LCLAT1: variants seen among roughly 807,000 people sequenced by gnomAD.
The protein encoded by LCLAT1 is 1-AGP acyltransferase 8.
LCLAT1 carries 11 observed loss-of-function variants against 30.7 expected under a neutral mutation model. The ratio of observed to expected loss-of-function variants is 0.36; its 90% confidence interval spans 0.23 to 0.59. The LOEUF (loss-of-function observed/expected upper bound fraction) is 0.59, where lower values mean the gene tolerates loss of function less well. Among genes scored for constraint, LCLAT1 ranks in the 20% least tolerant of loss-of-function variants. LCLAT1 has a pLI of 0.77. For missense variants in LCLAT1, 402 were observed against 458.6 expected (o/e 0.88, Z 1.13); for synonymous variants, 155 against 151.3 (o/e 1.02, Z -0.18).
chr2:30,552,006 T>A lies in LCLAT1; in HGVS notation c.365-10140T>A, dbSNP rs114125845. Among the ~76,000 whole-genome samples, 1,009 of 152,298 alleles carry A rather than the reference T, an allele frequency of 6.6e-3. 10 individuals carry two copies. Among genetic ancestry groups the A allele is most frequent in the African/African-American group, 0.023 (959 of 41,566 alleles). ...CCCTTTGCTGTATAACACAGTGCCT[T>A]CACAGTTCCAGGAATTAAGATGTGG... On this transcript the variant is annotated intron_variant, in intron 3 of 5. Transcript: ENST00000379509.
At chr2:30,506,964 T>C (rs938914369) in intron 1 of LCLAT1, among the ~76,000 whole-genome samples, 17 of 152,206 alleles carry the variant, frequency 1.1e-4, no homozygotes, top group African/African-American at 3.4e-4. Flanking sequence ...AATGAACATA[T>C]TTCAATTCCT....
intron 1 of LCLAT1, among the ~76,000 whole-genome samples, chr2:30,471,811 T>C (rs373283331): frequency 6.6e-6 from 1 of 152,228 alleles, no homozygotes; most frequent in Admixed American, 6.5e-5. Flanking sequence ...CATAGGATCA[T>C]GTCATGTGCA....
chr2:30,452,916 G>C (rs1436785213), intron 1 of LCLAT1, among the ~76,000 whole-genome samples: 1 of 152,020 alleles, frequency 6.6e-6, no homozygotes, highest in Non-Finnish European at 1.5e-5. Context: ...GTAAAAACTC[G>C]GGAGGCAAAT....
intron 4 of LCLAT1, among the ~76,000 whole-genome samples, chr2:30,567,211 A>G (rs1325656505): frequency 2.0e-5 from 3 of 152,130 alleles, no homozygotes; most frequent in Admixed American, 1.3e-4. Flanking sequence ...TAGCATTTTA[A>G]TTTTCATTGA....
At chr2:30,582,161 GT>G (rs1666235732) in intron 5 of LCLAT1, among the ~76,000 whole-genome samples, 1 of 151,996 alleles carries the variant, frequency 6.6e-6, no homozygotes, top group Non-Finnish European at 1.5e-5. Flanking sequence ...GAATCAGTCA[GT>G]CTCTGTTTCT....
chr2:30,469,749 T>C (rs1414409793), intron 1 of LCLAT1, among the ~76,000 whole-genome samples: 1 of 152,042 alleles, frequency 6.6e-6, no homozygotes, highest in Non-Finnish European at 1.5e-5. Context: ...TGGCTGGGAC[T>C]ACAGGCATGT....
chr2:30,602,442 C>T (rs1005203655), intron 5 of LCLAT1, among the ~76,000 whole-genome samples: 4 of 152,116 alleles, frequency 2.6e-5, no homozygotes, highest in Admixed American at 6.6e-5. Flanking sequence ...ATGGCTACAA[C>T]GTGAATTTTG....
At chr2:30,588,852 G>A (rs1034231215) in intron 5 of LCLAT1, among the ~76,000 whole-genome samples, 6 of 151,996 alleles carry the variant, frequency 3.9e-5, no homozygotes, top group Admixed American at 6.6e-5. Context: ...CACCCATCTC[G>A]GCCTCCTAGA....
chr2:30,540,507 C>A (rs771256975), intron 3 of LCLAT1, among the ~76,000 whole-genome samples: 2 of 152,092 alleles, frequency 1.3e-5, no homozygotes, highest in Non-Finnish European at 2.9e-5. Flanking sequence ...CCATTTCCAT[C>A]CATAGGAATT....
intron 1 of LCLAT1, among the ~76,000 whole-genome samples, chr2:30,516,972 C>A (rs113720532): frequency 6.6e-6 from 1 of 152,138 alleles, no homozygotes; most frequent in Non-Finnish European, 1.5e-5. Flanking sequence ...AAGCTGAGGG[C>A]CGACTAGAAG....
intron 1 of LCLAT1, among the ~76,000 whole-genome samples, chr2:30,465,884 A>C (rs967286056): frequency 5.9e-5 from 9 of 152,214 alleles, no homozygotes; most frequent in Admixed American, 5.2e-4. Context: ...AAGAATTTCA[A>C]GTCCATTGCA....
intron 5 of LCLAT1, among the ~76,000 whole-genome samples, chr2:30,613,604 A>T (rs1667847324): frequency 7.3e-6 from 1 of 137,244 alleles, no homozygotes; most frequent in African/African-American, 2.8e-5. Context: ...AGCGTTCAGC[A>T]TATGGAGGAT....
chr2:30,596,491 T>G (rs968166484), intron 5 of LCLAT1, among the ~76,000 whole-genome samples: 10 of 148,254 alleles, frequency 6.7e-5, no homozygotes, highest in Admixed American at 2.0e-4. Context: ...AATGGGGTTG[T>G]TTTTTTTTTC....
At chr2:30,587,353 C>T (rs768294173) in intron 5 of LCLAT1, among the ~76,000 whole-genome samples, 53 of 151,948 alleles carry the variant, frequency 3.5e-4, no homozygotes, top group Non-Finnish European at 1.0e-4. Flanking sequence ...GACTGCGGGA[C>T]GCAACATCTT....
chr2:30,614,782 T>C (rs1412166958), intron 5 of LCLAT1, among the ~76,000 whole-genome samples: 2 of 152,068 alleles, frequency 1.3e-5, no homozygotes, highest in Non-Finnish European at 2.9e-5. Context: ...AAGGAATGAG[T>C]GTGGATGGAG....
Position 30,620,690 on chromosome 2 carries a change from T to C in LCLAT1, c.629-19427T>C, listed in dbSNP as rs562209065. ...AAAATCAAGACTACGAAAAAAGCAA[T>C]CCTTGTCATTAGATATTTCTTAATA... is the stretch of plus-strand genomic sequence containing the variant. On this transcript the variant is annotated intron_variant, in intron 5 of 5. Transcript: ENST00000379509. 2.0e-4 allele frequency among the ~76,000 whole-genome samples: 30 copies of C among 152,316 alleles called. No individual in the cohort carries two copies. In the East Asian group the frequency reaches 5.6e-3, roughly 28 times the overall value.
intron 1 of LCLAT1, among the ~76,000 whole-genome samples, chr2:30,524,689 C>T (rs370520118): frequency 1.2e-3 from 184 of 152,282 alleles, no homozygotes; most frequent in South Asian, 3.7e-3. Context: ...ATAGCAGTTT[C>T]GGTGATCAGA....
At chr2:30,603,865 T>TAGCAGAGAGTATG (rs1383331429) in intron 5 of LCLAT1, among the ~76,000 whole-genome samples, 1 of 152,150 alleles carries the variant, frequency 6.6e-6, no homozygotes, top group African/African-American at 2.4e-5. Context: ...TTTGTACTTC[T>TAGCAGAGAGTATG]AGCAGAGAGT....
intron 5 of LCLAT1, among the ~76,000 whole-genome samples, chr2:30,573,505 A>G (rs1377040613): frequency 2.0e-5 from 3 of 152,238 alleles, no homozygotes; most frequent in South Asian, 4.1e-4. Flanking sequence ...CCTATGACCT[A>G]CCTCTCTGGC....
Sources: gnomAD v4.1 joint callset for allele counts (sites outside exome capture counted in the v4.1 genomes callset) on GRCh38, gnomAD v4.1.1 for gene constraint, MANE v1.5 for transcripts, NCBI Gene and HGNC (gene_info 2026-07-23, HGNC 2026-07-21) for gene names.